Variants in CACNA2D3 observed in about 807,000 individuals in gnomAD.
The protein encoded by CACNA2D3 is calcium voltage-gated channel auxiliary subunit alpha2delta 3.
Under a neutral mutation model 160.6 loss-of-function variants are expected in CACNA2D3, and 60 were observed. The observed-to-expected ratio is 0.37, with a 90% confidence interval of 0.30 to 0.46. The LOEUF (loss-of-function observed/expected upper bound fraction) is 0.46. Ranked by LOEUF, CACNA2D3 falls within the 20% of genes least tolerant of loss-of-function variation. The probability of loss-of-function intolerance (pLI) is 1.00; values close to 1 mark genes in which losing one functional copy is unlikely to be tolerated. For synonymous variants in CACNA2D3, 558 were observed against 492.9 expected (o/e 1.13, Z -1.75); for missense variants, 1,205 against 1,365.0 (o/e 0.88, Z 1.85).
chr3:54,238,899 A>G (rs1012126184), intron 2 of CACNA2D3, among the ~76,000 whole-genome samples: 6 of 152,216 alleles, frequency 3.9e-5, no homozygotes, highest in Non-Finnish European at 4.4e-5. Flanking sequence ...ACCATAAACC[A>G]TAGCACTAAT....
chr3:54,733,092 C>T (rs2107017899), intron 11 of CACNA2D3, among the ~76,000 whole-genome samples: 1 of 152,278 alleles, frequency 6.6e-6, no homozygotes, highest in Admixed American at 6.5e-5. Context: ...CATGTTTCTG[C>T]CTAGGTGGGA....
At chr3:55,069,956 A>T (rs182504615) in intron 35 of CACNA2D3, among the ~76,000 whole-genome samples, 12 of 152,354 alleles carry the variant, frequency 7.9e-5, no homozygotes, top group Non-Finnish European at 1.5e-4. Flanking sequence ...AATTTATGTC[A>T]GTAAGCTTTT....
At chr3:54,460,238 G>T (rs998718630) in intron 4 of CACNA2D3, among the ~76,000 whole-genome samples, 5 of 152,048 alleles carry the variant, frequency 3.3e-5, no homozygotes, top group African/African-American at 1.2e-4. Flanking sequence ...TTTGGCTTAG[G>T]ATTGACTTGG....
intron 18 of CACNA2D3, chr3:54,876,292 T>G (rs1381582889): frequency 6.6e-6 from 1 of 152,218 alleles, no homozygotes; most frequent in Non-Finnish European, 1.5e-5. Flanking sequence ...AAGTTGCTCC[T>G]CTTCTCAAGC....
chr3:54,822,774 CTTTCTTTCTTTCTTTCCTTT>C (rs1703645617), intron 14 of CACNA2D3, among the ~76,000 whole-genome samples: 5 of 85,892 alleles, frequency 5.8e-5, no homozygotes, highest in East Asian at 3.6e-4. Flanking sequence ...TTCTTTCTTT[CTTTCTTTCTTTCTTTCCTTT>C]CTTTCTTTCT....
At chr3:55,036,980 G>A (rs1202412197) in intron 35 of CACNA2D3, among the ~76,000 whole-genome samples, 1 of 151,962 alleles carries the variant, frequency 6.6e-6, no homozygotes, top group Non-Finnish European at 1.5e-5. Flanking sequence ...CAGGAGGTGA[G>A]TCTGGGAATC....
chr3:55,071,711 C>G (rs942989106), intron 35 of CACNA2D3, among the ~76,000 whole-genome samples: 3 of 152,200 alleles, frequency 2.0e-5, no homozygotes, highest in Non-Finnish European at 4.4e-5. Context: ...AGTGGGCTCA[C>G]TCATTGAAAA....
At chr3:54,514,018 G>A (rs1226908786) in intron 5 of CACNA2D3, among the ~76,000 whole-genome samples, 1 of 152,174 alleles carries the variant, frequency 6.6e-6, no homozygotes, top group Non-Finnish European at 1.5e-5. Context: ...GCAAATGGAA[G>A]GCCCTGTTTT....
chr3:54,732,326 A>G (rs1172092648), intron 11 of CACNA2D3, among the ~76,000 whole-genome samples: 1 of 152,234 alleles, frequency 6.6e-6, no homozygotes, highest in Non-Finnish European at 1.5e-5. Flanking sequence ...ACGCACATAC[A>G]CTTACAGATC....
At chr3:54,645,111 G>T (rs1240846261) in intron 11 of CACNA2D3, among the ~76,000 whole-genome samples, 1 of 152,214 alleles carries the variant, frequency 6.6e-6, no homozygotes, top group Non-Finnish European at 1.5e-5. Context: ...ACTCACAATT[G>T]TGCATGGCTG....
intron 35 of CACNA2D3, among the ~76,000 whole-genome samples, chr3:55,039,389 TA>T (rs1703910842): frequency 1.3e-5 from 2 of 152,308 alleles, no homozygotes; most frequent in South Asian, 4.1e-4. Context: ...TTTGACCTTT[TA>T]ATGGTCGTTG....
chr3:54,689,010 A>AAAAAAAAAG lies in CACNA2D3; in HGVS notation c.1167+46770_1167+46771insAAAAAAAGA, dbSNP rs1553785965. Among the ~76,000 whole-genome samples the AAAAAAAAAG allele has an allele frequency of 4.7e-5, 4 of 85,494 alleles. 1 individual carries two copies. Among genetic ancestry groups the AAAAAAAAAG allele is most frequent in the Non-Finnish European group, 6.6e-5 (3 of 45,154 alleles). 56.1% of individuals were successfully genotyped at this position (85,494 alleles called of 152,430 possible). On this transcript the variant is annotated intron_variant, in intron 11 of 37. Coordinates refer to ENST00000474759, the MANE Select transcript of CACNA2D3 (RefSeq NM_018398.3). ...AAAAAAAAAAAAAAAAAAAAAAAAA[A>AAAAAAAAAG]AGAATGAGGTTGTATACATAAAGCA...
At chr3:54,292,685 G>C (rs1011487094) in intron 2 of CACNA2D3, among the ~76,000 whole-genome samples, 2 of 152,182 alleles carry the variant, frequency 1.3e-5, no homozygotes, top group African/African-American at 2.4e-5. Flanking sequence ...CTAAGTGTTG[G>C]CAAGGATGTG....
intron 2 of CACNA2D3, among the ~76,000 whole-genome samples, chr3:54,155,828 T>A (rs1700234587): frequency 6.6e-6 from 1 of 152,144 alleles, no homozygotes; most frequent in Admixed American, 6.5e-5. Context: ...CAGGGCAACT[T>A]CCCAGAACAA....
At chr3:54,938,652 A>G (rs1048945630) in intron 27 of CACNA2D3, among the ~76,000 whole-genome samples, 3 of 151,214 alleles carry the variant, frequency 2.0e-5, no homozygotes, top group Admixed American at 6.6e-5. Context: ...CTTGATATAG[A>G]CTCAGTGTCT....
At chr3:54,628,091 G>A (rs1699161359) in intron 10 of CACNA2D3, among the ~76,000 whole-genome samples, 1 of 152,210 alleles carries the variant, frequency 6.6e-6, no homozygotes, top group South Asian at 2.1e-4. Flanking sequence ...AATTAGCCAG[G>A]CATGGTGGCG....
chr3:54,796,634 A>G (rs1276499618), intron 13 of CACNA2D3, among the ~76,000 whole-genome samples: 2 of 152,218 alleles, frequency 1.3e-5, no homozygotes, highest in Non-Finnish European at 2.9e-5. Flanking sequence ...GACTAAAATT[A>G]TAGAGCTGAA....
At chr3:54,562,486 G>C (rs1005088114) in intron 5 of CACNA2D3, among the ~76,000 whole-genome samples, 1 of 152,120 alleles carries the variant, frequency 6.6e-6, no homozygotes, top group Non-Finnish European at 1.5e-5. Flanking sequence ...GTCTCTCTCT[G>C]CTTTCTTAAA....
At chr3:54,478,679 T>TATTGCTATATATATATATATATATA (rs1559493334) in intron 4 of CACNA2D3, among the ~76,000 whole-genome samples, 1 of 47,768 alleles carries the variant, frequency 2.1e-5, no homozygotes, top group Non-Finnish European at 5.0e-5. Context: ...TATATATATA[T>TATTGCTATATATATATATATATATA]TGCTTGTCAT....
Sources: gnomAD v4.1 joint callset for allele counts (sites outside exome capture counted in the v4.1 genomes callset) on GRCh38, gnomAD v4.1.1 for gene constraint, MANE v1.5 for transcripts, NCBI Gene and HGNC (gene_info 2026-07-23, HGNC 2026-07-21) for gene names.